Variants in SETBP1 observed in about 807,000 individuals in gnomAD.
SETBP1 encodes the protein SET-binding protein.
A neutral mutation model predicts 101.0 loss-of-function variants in SETBP1; 9 were observed. The ratio of observed to expected loss-of-function variants is 0.09; its 90% CI spans 0.05 to 0.16. The LOEUF (loss-of-function observed/expected upper bound fraction) is 0.16, where lower values mean the gene tolerates loss of function less well. Among genes scored for constraint, SETBP1 ranks in the 10% least tolerant of loss-of-function variants. The pLI is 1.00. For synonymous variants in SETBP1, 818 were observed against 788.5 expected, an observed-to-expected ratio of 1.04 and a Z score of -0.63; for missense variants, 1,858 against 2,033.8, an observed-to-expected ratio of 0.91 and a Z score of 1.66.
chr18:44,929,264 C>T (rs1008489063), intron 3 of SETBP1, among the ~76,000 whole-genome samples: 8 of 151,918 alleles, frequency 5.3e-5, no homozygotes, highest in African/African-American at 7.3e-5. Flanking sequence ...GTATTATTTC[C>T]GAGGGCTCTA....
At chr18:44,746,632 G>A (rs1396471754) in intron 2 of SETBP1, among the ~76,000 whole-genome samples, 3 of 152,108 alleles carry the variant, frequency 2.0e-5, no homozygotes, top group Non-Finnish European at 2.9e-5. Context: ...AACATGCAAG[G>A]CATTTAATAG....
chr18:44,940,662 CTT>C (rs1255486642), intron 3 of SETBP1, among the ~76,000 whole-genome samples: 9 of 152,144 alleles, frequency 5.9e-5, no homozygotes, highest in African/African-American at 1.9e-4. Context: ...CGCTCTTATT[CTT>C]TGTTTTATTG....
chr18:44,866,527 TAGAC>T (rs1178940621), intron 2 of SETBP1, among the ~76,000 whole-genome samples: 2 of 152,246 alleles, frequency 1.3e-5, no homozygotes, highest in Non-Finnish European at 2.9e-5. Flanking sequence ...ATCGTCTTTT[TAGAC>T]AGGGTCTTGT....
chr18:44,723,208 C>A (rs953975653), intron 2 of SETBP1, among the ~76,000 whole-genome samples: 14 of 152,214 alleles, frequency 9.2e-5, no homozygotes, highest in Non-Finnish European at 1.6e-4. Flanking sequence ...TTTCCTTCTC[C>A]TTCTCTTCCT....
intron 4 of SETBP1, among the ~76,000 whole-genome samples, chr18:44,963,520 C>A (rs1375931380): frequency 6.6e-6 from 1 of 152,110 alleles, no homozygotes; most frequent in African/African-American, 2.4e-5. Flanking sequence ...ACATTTAAAT[C>A]TTTGTTTTTT....
chr18:44,877,398 A>C, intron 3 of SETBP1: 6 of 980,396 alleles, frequency 6.1e-6, no homozygotes, highest in Non-Finnish European at 7.3e-6. Context: ...AGTTTTAATA[A>C]AAGAGTAGGA....
chr18:45,038,097 G>C (rs1470841893), intron 4 of SETBP1, among the ~76,000 whole-genome samples: 1 of 152,092 alleles, frequency 6.6e-6, no homozygotes. Context: ...GATGAGATGA[G>C]AAGTCTTACT....
rs774801388 is a variant in SETBP1, at chr18:44,950,093, C to T, written c.753C>T (p.Ile251=). The part of the protein sequence containing the change: ...SGRETASTSK[I]PALEPVASFA... ...GAGAAACTGCAAGCACCAGCAAGAT[C>T]CCCGCTCTTGAGCCCGTGGCTTCCT... The change falls in exon 4 of 6, where the codon ATC becomes ATT. Residue 251 remains isoleucine (I), a synonymous_variant. Coordinates refer to ENST00000649279, the MANE Select transcript of SETBP1 (RefSeq NM_015559.3). 3 of 1,614,162 alleles carry T rather than the reference C, an allele frequency of 1.9e-6. No individual in the cohort carries two copies. The highest frequency in any genetic ancestry group is 2.5e-6 in the Non-Finnish European group (3 of 1,180,050).
chr18:44,731,673 C>T (rs1175123716), intron 2 of SETBP1, among the ~76,000 whole-genome samples: 4 of 152,078 alleles, frequency 2.6e-5, no homozygotes, highest in Non-Finnish European at 5.9e-5. Context: ...CACACACACA[C>T]ATATCCTTAT....
chr18:44,745,068 G>A (rs373038233), intron 2 of SETBP1, among the ~76,000 whole-genome samples: 8 of 152,248 alleles, frequency 5.3e-5, no homozygotes, highest in African/African-American at 1.9e-4. Flanking sequence ...TCATTTCAGC[G>A]TGATTTACTA....
Position 44,951,087 on chromosome 18 carries a change from G to A in SETBP1, c.1747G>A (p.Val583Ile), listed in dbSNP as rs1000055196. 3 of 1,613,972 alleles carry A rather than the reference G, an allele frequency of 1.9e-6. No homozygotes were observed. In the African/African-American group the frequency reaches 4.0e-5, roughly 22 times the overall value. The change falls in exon 4 of 6, where the codon GTC becomes ATC. Residue 583 changes from valine to isoleucine, a missense_variant. Physicochemically the swap from Val to Ile is conservative, Grantham distance 29. Transcript: ENST00000649279. This position sits in a 1 kb window ranked among gnomAD's most constrained non-coding sequence, Gnocchi z 7.8. ...NTDSLTVITP[V>I]KKKRGRPKKQ... Reference sequence around the variant, plus strand: ...AGACAGTCTTACTGTGATCACTCCAGTCAAAAAGAAGCGGGGACGACCAAA... The same window carrying A: ...AGACAGTCTTACTGTGATCACTCCAATCAAAAAGAAGCGGGGACGACCAAA...
At chr18:45,023,482 A>G (rs997696186) in intron 4 of SETBP1, among the ~76,000 whole-genome samples, 23 of 152,228 alleles carry the variant, frequency 1.5e-4, no homozygotes, top group Admixed American at 1.4e-3. Context: ...GTAGGCACTG[A>G]AACTTTTACT....
chr18:44,710,449 A>AG (rs201408301), intron 2 of SETBP1, among the ~76,000 whole-genome samples: 1,646 of 87,328 alleles, frequency 0.019, 13 homozygotes, highest in Admixed American at 0.032. Flanking sequence ...GCATTTTAGG[A>AG]GTTTTTTTTT....
At chr18:44,972,574 C>T (rs1410167238) in intron 4 of SETBP1, among the ~76,000 whole-genome samples, 1 of 152,056 alleles carries the variant, frequency 6.6e-6, no homozygotes, top group Non-Finnish European at 1.5e-5. Flanking sequence ...TGTAGTTCTC[C>T]CTGAAGAGAT....
intron 4 of SETBP1, among the ~76,000 whole-genome samples, chr18:44,995,135 C>CTTTTTTTTTTTT (rs58617770): frequency 8.4e-5 from 8 of 95,030 alleles, no homozygotes; most frequent in Non-Finnish European, 1.2e-4. Flanking sequence ...ATGTTATTTA[C>CTTTTTTTTTTTT]TTTTTTTTTT....
At chr18:44,936,379 A>C (rs1012861193) in intron 3 of SETBP1, among the ~76,000 whole-genome samples, 1 of 152,202 alleles carries the variant, frequency 6.6e-6, no homozygotes, top group African/African-American at 2.4e-5. Flanking sequence ...AGCCCCTCCA[A>C]GCCTGCCCCA....
intron 2 of SETBP1, among the ~76,000 whole-genome samples, chr18:44,715,226 T>C (rs1258252450): frequency 1.3e-5 from 2 of 152,222 alleles, no homozygotes; most frequent in East Asian, 1.9e-4. Flanking sequence ...ACTCCAGCAC[T>C]GCAGCTTCAT....
At chr18:44,715,128 C>T (rs546680413) in intron 2 of SETBP1, among the ~76,000 whole-genome samples, 3 of 152,150 alleles carry the variant, frequency 2.0e-5, no homozygotes, top group Non-Finnish European at 4.4e-5. Context: ...CCCTGCCTTG[C>T]CCTGCTGGGG....
At chr18:44,805,405 AGTGT>A (rs4024593) in intron 2 of SETBP1, among the ~76,000 whole-genome samples, 2,036 of 144,678 alleles carry the variant, frequency 0.014, 21 homozygotes, top group African/African-American at 0.033. Context: ...TGCACATGTA[AGTGT>A]GTGTGTGTGT....
Sources: allele counts gnomAD v4.1 joint callset (sites outside exome capture counted in the v4.1 genomes callset), GRCh38; gene constraint gnomAD v4.1.1; non-coding constraint Gnocchi (gnomAD v3.1); transcripts MANE v1.5; gene names NCBI Gene and HGNC (gene_info 2026-07-23, HGNC 2026-07-21).